ZNF483: variants seen among roughly 807,000 people sequenced by gnomAD.
The protein encoded by ZNF483 is zinc finger protein 483, also known as zinc finger protein HIT-10.
Under a neutral mutation model 28.6 loss-of-function variants are expected in ZNF483, and 9 were observed. The ratio of observed to expected loss-of-function variants is 0.32; its 90% CI spans 0.19 to 0.55. The LOEUF (loss-of-function observed/expected upper bound fraction) is 0.55. ZNF483 is among the 20% of genes least tolerant of loss of function. ZNF483 has a pLI of 0.93. For synonymous variants in ZNF483, 322 were observed against 306.2 expected, an observed-to-expected ratio of 1.05 and a Z score of -0.54; for missense variants, 675 against 871.7, an observed-to-expected ratio of 0.77 and a Z score of 2.84.
chr9:111,531,532 A>G (rs949199619), intron 3 of ZNF483, among the ~76,000 whole-genome samples: 1 of 152,022 alleles, frequency 6.6e-6, no homozygotes, highest in Admixed American at 6.6e-5. Context: ...TCCTGCCACC[A>G]TGCCCGGCTA....
At position 111,551,533 on chromosome 9, in the gene ZNF483, C is replaced by T. The variant is rs1174591562; in HGVS notation, c.*8363C>T. The stretch of plus-strand genomic sequence containing the variant: ...AGCAATTCTCCTGCTTCAGCCTCCC[C>T]AGTAGCTGAGATTACTGGTGCACAC... On this transcript the variant is annotated 3_prime_UTR_variant, in exon 6 of 6. Transcript: ENST00000309235. Among the ~76,000 whole-genome samples, 1 of 151,250 alleles carries T rather than the reference C, an allele frequency of 6.6e-6. No homozygotes were observed. The highest frequency in any genetic ancestry group is 1.5e-5 in the Non-Finnish European group (1 of 67,866).
rs954272564 is a variant in ZNF483 at position 111,551,415 on chromosome 9, T to G, written c.*8245T>G. Among the ~76,000 whole-genome samples the G allele has an allele frequency of 1.2e-3, 167 of 141,582 alleles. 1 individual carries two copies. In the East Asian group the frequency reaches 0.028, roughly 23 times the overall value. 92.9% of individuals were successfully genotyped at this position (141,582 alleles called of 152,430 possible). A position where few individuals can be genotyped will look rare whatever the true frequency, so the allele number is the denominator to read the frequency against. On this transcript the variant is annotated 3_prime_UTR_variant, in exon 6 of 6. Transcript: ENST00000309235. ...TCCAGTTTTTGTTTTTTTTTTTTTT[T>G]TTTTTTTTTTGAGATGGAGTCTCAC...
chr9:111,573,283 GA>G (rs371843056), intron 5 of ZNF483, among the ~76,000 whole-genome samples: 5,366 of 151,834 alleles, frequency 0.035, 303 homozygotes, highest in African/African-American at 0.12. Flanking sequence ...ATTATAGGGG[GA>G]AAAAAAAGTC....
chr9:111,528,061 A>G (rs1480247936), intron 2 of ZNF483: 17 of 1,391,022 alleles, frequency 1.2e-5, no homozygotes, highest in Non-Finnish European at 7.6e-6. Flanking sequence ...ACAAGATAGG[A>G]TATAATATAT....
At chr9:111,535,158 CGTG>C (rs1219024769) in intron 5 of ZNF483, among the ~76,000 whole-genome samples, 3 of 152,154 alleles carry the variant, frequency 2.0e-5, no homozygotes, top group Non-Finnish European at 4.4e-5. Context: ...GGGAGCAACT[CGTG>C]GGAATTTGTG....
chr9:111,539,465 G>T, intron 5 of ZNF483: 2 of 455,526 alleles, frequency 4.4e-6, no homozygotes, highest in South Asian at 3.1e-5. Flanking sequence ...TTTGATAAAG[G>T]TTCAATAAGA....
intron 5 of ZNF483, among the ~76,000 whole-genome samples, chr9:111,538,188 A>G (rs780084429): frequency 3.3e-5 from 5 of 151,894 alleles, no homozygotes; most frequent in African/African-American, 9.7e-5. Flanking sequence ...AATTGTCACA[A>G]ATCTCCAAAA....
At chr9:111,577,070 G>A (rs1186529558) in exon 6 of ZNF483, 5 of 150,466 alleles carry the variant, frequency 3.3e-5, no homozygotes, top group African/African-American at 7.4e-5. Context: ...CAGCCTGGAT[G>A]ACAGAGCAAA....
At chr9:111,531,378 C>G (rs951533913) in intron 3 of ZNF483, among the ~76,000 whole-genome samples, 3 of 151,412 alleles carry the variant, frequency 2.0e-5, no homozygotes, top group South Asian at 2.1e-4. Flanking sequence ...TCATTTCCTT[C>G]TTTTTTTTTC....
At chr9:111,562,276 CT>C (rs35900341) in intron 5 of ZNF483, among the ~76,000 whole-genome samples, 13,220 of 140,364 alleles carry the variant, frequency 0.094, 714 homozygotes, top group African/African-American at 0.16. Flanking sequence ...AAGCAGTAAA[CT>C]TTTTTTTTTT....
At chr9:111,561,263 T>C (rs1454013414) in intron 5 of ZNF483, among the ~76,000 whole-genome samples, 1 of 151,246 alleles carries the variant, frequency 6.6e-6, no homozygotes, top group Non-Finnish European at 1.5e-5. Flanking sequence ...TAATGTTGCT[T>C]TTGTTGTTGT....
chr9:111,560,204 G>A (rs1828233126), downstream of ZNF483, among the ~76,000 whole-genome samples: 1 of 151,892 alleles, frequency 6.6e-6, no homozygotes, highest in Non-Finnish European at 1.5e-5. Context: ...AATCAGGCTG[G>A]GCATGGTGGC....
Position 111,543,998 on chromosome 9 carries a change from GTA to G in ZNF483, c.*829_*830del, listed in dbSNP as rs1827741838. The G allele has an allele frequency of 1.0e-6, 1 of 985,216 alleles. No individual in the cohort carries two copies. The highest frequency in any genetic ancestry group is 1.7e-5 in the African/African-American group (1 of 57,194). The allele number at this position is 985,216 out of a possible 1,614,324, so 61.0% of individuals were successfully genotyped here. A position where few individuals can be genotyped will look rare whatever the true frequency, so the allele number is the denominator to read the frequency against. ...TTCGTGCAGGAATCCCTCAAATGCT[GTA>G]ACTAGGAATGGGTCAGTGAAGTTCA... On this transcript the variant is annotated 3_prime_UTR_variant, in exon 6 of 6. Coordinates refer to ENST00000309235, the MANE Select transcript of ZNF483 (RefSeq NM_133464.5).
intron 5 of ZNF483, chr9:111,574,760 T>C (rs368726370): frequency 1.2e-6 from 2 of 1,613,886 alleles, no homozygotes; most frequent in Admixed American, 1.7e-5. Flanking sequence ...GGTTCTGTTA[T>C]ATGTAGAGAT....
At position 111,564,277 on chromosome 9, in the gene ZNF483, TTTATTATTATTATTATTATTATTA is replaced by T. The variant is rs3031175; in HGVS notation, c.722-12067_722-12044del. 9 of 486,384 alleles carry T rather than the reference TTTATTATTATTATTATTATTATTA, an allele frequency of 1.9e-5. No individual in the cohort carries two copies. In the South Asian group the frequency reaches 4.7e-4, roughly 25 times the overall value. 30.1% of individuals were successfully genotyped at this position (486,384 alleles called of 1,614,324 possible). A position where few individuals can be genotyped will look rare whatever the true frequency, so the allele number is the denominator to read the frequency against. Reference sequence around the variant, plus strand: ...AAGTAGGGAAGCTGAAATTTAAACTTTTATTATTATTATTATTATTATTATTATTATTATTATTATTATTCTGAG... The same window carrying T: ...AAGTAGGGAAGCTGAAATTTAAACTTTTATTATTATTATTATTATTCTGAG... On this transcript the variant is annotated intron_variant, in intron 5 of 5. Coordinates refer to the ZNF483 transcript ENST00000358151.
chr9:111,527,379 C>A lies in ZNF483; in HGVS notation c.-17C>A. On this transcript the variant is annotated 5_prime_UTR_variant, in exon 2 of 6. Transcript: ENST00000309235. Reference sequence around the variant, plus strand: ...AACTAGAGTGTGAAGGGACTGGATTCCTGCCCCTGAGACACAATGCAAGCT... The same window carrying A: ...AACTAGAGTGTGAAGGGACTGGATTACTGCCCCTGAGACACAATGCAAGCT... The A allele has an allele frequency of 2.5e-6, 4 of 1,608,798 alleles. No homozygotes were observed. Among genetic ancestry groups the A allele is most frequent in the Non-Finnish European group, 3.4e-6 (4 of 1,177,696 alleles).
In ZNF483 at chr9:111,574,904, T is replaced by A. The variant is rs181058170; in HGVS notation, c.722-1461T>A. 194 of 1,310,602 alleles carry A rather than the reference T, an allele frequency of 1.5e-4. 1 individual carries two copies. The African/African-American group carries it at 2.4e-3, about 16-fold the overall frequency. 81.2% of individuals were successfully genotyped at this position (1,310,602 alleles called of 1,614,324 possible). A position where few individuals can be genotyped will look rare whatever the true frequency, so the allele number is the denominator to read the frequency against. ...AAATACTAGAGATTCAGGAGAATCA[T>A]TAAGTCACAAGCATTATTTTACAAT... On this transcript the variant is annotated intron_variant, in intron 5 of 5. Transcript: ENST00000358151.
In ZNF483 at chr9:111,541,751, G is replaced by GA; in HGVS notation, c.816_817insA (p.Glu273ArgfsTer5). On this transcript the variant is annotated frameshift_variant, in exon 6 of 6. Coordinates refer to ENST00000309235, the MANE Select transcript of ZNF483 (RefSeq NM_133464.5). LOFTEE classifies it low-confidence loss of function (END_TRUNC). ...CCCAGCAATATTGTGGCAGCTCAGAGGAGGATCACGGTAATCAGGGAAATT... is the reference window on the plus strand; with the variant it reads ...CCCAGCAATATTGTGGCAGCTCAGAGAGAGGATCACGGTAATCAGGGAAATT... The GA allele has an allele frequency of 6.2e-7, 1 of 1,614,172 alleles. No homozygotes were observed.
chr9:111,541,752 G>T lies in ZNF483; in HGVS notation c.817G>T (p.Glu273Ter). 1 of 1,614,180 alleles carries T rather than the reference G, an allele frequency of 6.2e-7. No homozygotes were observed. Among genetic ancestry groups the T allele is most frequent in the South Asian group, 1.1e-5 (1 of 91,084 alleles). The part of the protein sequence containing the change: ...ESQQYCGSSE[E>*]DHGNQGNSKG... ...CCAGCAATATTGTGGCAGCTCAGAG[G>T]AGGATCACGGTAATCAGGGAAATTC... is the stretch of plus-strand genomic sequence containing the variant. Residue 273 changes from glutamate to a stop codon, truncating the protein, a stop_gained, in exon 6 of 6, where the codon GAG (glutamate) becomes TAG (stop). Transcript: ENST00000309235. LOFTEE classifies it low-confidence loss of function (END_TRUNC).
Sources: gnomAD v4.1 joint callset for allele counts (sites outside exome capture counted in the v4.1 genomes callset) on GRCh38, gnomAD v4.1.1 for gene constraint, MANE v1.5 for transcripts, NCBI Gene and HGNC (gene_info 2026-07-23, HGNC 2026-07-21) for gene names.